Variants in SRGAP2C observed in about 807,000 individuals in gnomAD.
SRGAP2C encodes SLIT-ROBO Rho GTPase-activating protein 2C.
Under a neutral mutation model 25.1 loss-of-function variants are expected in SRGAP2C, and 15 were observed. That is an observed-to-expected ratio of 0.60 (90% CI 0.40 to 0.92). The LOEUF (loss-of-function observed/expected upper bound fraction) is 0.92, where lower values mean the gene tolerates loss of function less well. Ranked by LOEUF, SRGAP2C falls within the 40% of genes least tolerant of loss-of-function variation. The pLI is 0.00. For missense variants in SRGAP2C, 144 were observed against 264.4 expected (o/e 0.54, Z 3.16); for synonymous variants, 44 against 96.6 (o/e 0.46, Z 3.19).
intron 2 of SRGAP2C, among the ~76,000 whole-genome samples, chr1:121,206,470 A>G (rs1655111456): frequency 6.6e-6 from 1 of 152,224 alleles, no homozygotes; most frequent in African/African-American, 2.4e-5. Flanking sequence ...AACAAAGATC[A>G]GTGGGGGCAC....
intron 2 of SRGAP2C, among the ~76,000 whole-genome samples, chr1:121,189,377 G>T (rs1182304268): frequency 4.4e-4 from 12 of 27,150 alleles, no homozygotes; most frequent in African/African-American, 1.8e-3. Flanking sequence ...ATGATGTAAT[G>T]CAGTCGGCTA....
At chr1:121,312,280 T>C (rs1318040462) in intron 3 of SRGAP2C, among the ~76,000 whole-genome samples, 12 of 47,784 alleles carry the variant, frequency 2.5e-4, no homozygotes, top group African/African-American at 3.9e-4. Flanking sequence ...ATCCCCTTTA[T>C]CATTTTTTAT....
rs1208444801 is a variant in SRGAP2C, at chr1:121,346,934, C to G, written c.424-18359C>G. ...ATGCCCTCCTCAAATGCATTTGACT[C>G]CTTCTGGCCCATAATACTCACACTT... On this transcript the variant is annotated intron_variant, in intron 4 of 9. Coordinates refer to ENST00000367123, the MANE Select transcript of SRGAP2C (RefSeq NM_001329984.2). 4.6e-4 allele frequency among the ~76,000 whole-genome samples: 70 copies of G among 152,084 alleles called. 1 individual carries two copies. The highest frequency in any genetic ancestry group is 1.0e-4 in the Non-Finnish European group (7 of 68,030).
chr1:121,367,973 G>A (rs1391205570), intron 5 of SRGAP2C, among the ~76,000 whole-genome samples: 12 of 109,472 alleles, frequency 1.1e-4, no homozygotes, highest in Non-Finnish European at 2.2e-4. Context: ...CTACTGGGGA[G>A]GCTGAGGCAG....
intron 4 of SRGAP2C, among the ~76,000 whole-genome samples, chr1:121,329,677 C>G (rs1570786868): frequency 6.8e-6 from 1 of 146,082 alleles, no homozygotes; most frequent in Non-Finnish European, 1.5e-5. Flanking sequence ...ATTGGCCCCT[C>G]TATGCTATTG....
intron 3 of SRGAP2C, among the ~76,000 whole-genome samples, chr1:121,309,135 ATGT>A (rs1439136819): frequency 5.9e-5 from 6 of 102,518 alleles, no homozygotes; most frequent in Admixed American, 4.5e-4. Context: ...ATAAGAAAAG[ATGT>A]TGATACTGAT....
intron 4 of SRGAP2C, among the ~76,000 whole-genome samples, chr1:121,359,662 G>A (rs1314898766): frequency 6.6e-6 from 1 of 152,186 alleles, no homozygotes; most frequent in African/African-American, 2.4e-5. Flanking sequence ...CAGCTACATG[G>A]GAAGCTGAGG....
intron 2 of SRGAP2C, among the ~76,000 whole-genome samples, chr1:121,264,621 G>A (rs1243389247): frequency 6.7e-6 from 1 of 150,108 alleles, no homozygotes; most frequent in Non-Finnish European, 1.5e-5. Context: ...GCTGTTGGCT[G>A]GAGTACTTTT....
At position 121,371,107 on chromosome 1, in the gene SRGAP2C, A is replaced by G. The variant is rs587653449; in HGVS notation, c.487-2864A>G. 3.9e-3 allele frequency among the ~76,000 whole-genome samples: 581 copies of G among 150,336 alleles called. 8 individuals are homozygous for G. Among genetic ancestry groups the G allele is most frequent in the African/African-American group, 0.013 (537 of 40,950 alleles). ...AATTTAGACTTTTCAGTTTTTCCCCATAGTTTGCATTTGCCTATCTATATA... is the reference window on the plus strand; with the variant it reads ...AATTTAGACTTTTCAGTTTTTCCCCGTAGTTTGCATTTGCCTATCTATATA... On this transcript the variant is annotated intron_variant, in intron 5 of 9. Coordinates refer to ENST00000367123, the MANE Select transcript of SRGAP2C (RefSeq NM_001329984.2).
At chr1:121,304,693 ACCCAGACAACC>A (rs1657786114) in intron 3 of SRGAP2C, among the ~76,000 whole-genome samples, 2 of 151,728 alleles carry the variant, frequency 1.3e-5, no homozygotes, top group East Asian at 2.0e-4. Flanking sequence ...TCTTCCCATG[ACCCAGACAACC>A]CCCAGTGGCC....
At chr1:121,213,109 G>A (rs1655308470) in intron 2 of SRGAP2C, among the ~76,000 whole-genome samples, 1 of 132,154 alleles carries the variant, frequency 7.6e-6, no homozygotes, top group African/African-American at 2.7e-5. Context: ...GCAATGGCAT[G>A]ATCTCAGCTC....
chr1:121,277,303 T>A (rs1289334231), intron 2 of SRGAP2C, among the ~76,000 whole-genome samples: 98 of 152,002 alleles, frequency 6.4e-4, no homozygotes, highest in African/African-American at 2.2e-3. Flanking sequence ...AACAGGGAAC[T>A]TCATACTTCA....
At chr1:121,216,305 G>T (rs1432278543) in intron 2 of SRGAP2C, among the ~76,000 whole-genome samples, 1 of 152,050 alleles carries the variant, frequency 6.6e-6, no homozygotes, top group Admixed American at 6.6e-5. Context: ...CAGCAATGCT[G>T]TCTCTTCCAT....
At chr1:121,297,571 G>C (rs1263744810) in intron 3 of SRGAP2C, among the ~76,000 whole-genome samples, 3 of 150,390 alleles carry the variant, frequency 2.0e-5, no homozygotes, top group African/African-American at 7.3e-5. Context: ...GCTAATGTTT[G>C]TGACTTAATG....
At position 121,391,665 on chromosome 1, in the gene SRGAP2C, A is replaced by AAC. The variant is rs1660090435; in HGVS notation, c.*3811_*3812insCA. ...TTTGGAAAATTTCACTAAAAAAAAA[A>AAC]ATCCTTAACAATATAATAAGTAAAG... On this transcript the variant is annotated 3_prime_UTR_variant, in exon 10 of 10. Transcript: ENST00000367123. 1 of 151,690 alleles carries AAC rather than the reference A, an allele frequency of 6.6e-6. No individual in the cohort carries two copies. The highest frequency in any genetic ancestry group is 2.4e-5 in the African/African-American group (1 of 40,902). The allele number at this position is 151,690 out of a possible 1,614,324, so 9.4% of individuals were successfully genotyped here. A position where few individuals can be genotyped will look rare whatever the true frequency, so the allele number is the denominator to read the frequency against.
At chr1:121,328,856 T>C (rs1171578028) in intron 4 of SRGAP2C, among the ~76,000 whole-genome samples, 4 of 144,098 alleles carry the variant, frequency 2.8e-5, no homozygotes, top group Non-Finnish European at 6.0e-5. Context: ...CACTGTACTC[T>C]AGCTTGAGTA....
rs1176937964 is a variant in SRGAP2C at position 121,351,551 on chromosome 1, A to T, written c.424-13742A>T. On this transcript the variant is annotated intron_variant, in intron 4 of 9. Transcript: ENST00000367123. ...CGTGAACCCAGGAGGCGGAGCTTGC[A>T]GTGAGCAGAGATCGCGCCACTGCAC... Among the ~76,000 whole-genome samples the T allele has an allele frequency of 2.2e-4, 31 of 142,568 alleles. 1 individual carries two copies. In the South Asian group the frequency reaches 7.1e-3, roughly 33 times the overall value. 93.5% of individuals were successfully genotyped at this position (142,568 alleles called of 152,430 possible). A position where few individuals can be genotyped will look rare whatever the true frequency, so the allele number is the denominator to read the frequency against.
chr1:121,355,292 G>A (rs1659037789), intron 4 of SRGAP2C, among the ~76,000 whole-genome samples: 1 of 145,802 alleles, frequency 6.9e-6, no homozygotes, highest in Non-Finnish European at 1.5e-5. Flanking sequence ...ACAACTGCGG[G>A]TAGATACACA....
At chr1:121,324,429 C>T (rs1366469622) in intron 3 of SRGAP2C, 49 bp from the exon 4 acceptor site, 3 of 1,585,802 alleles carry the variant, frequency 1.9e-6, no homozygotes, top group Non-Finnish European at 2.6e-6. Flanking sequence ...TAGATGTTGC[C>T]CTGGCTGTGT....
Sources: allele counts gnomAD v4.1 joint callset (sites outside exome capture counted in the v4.1 genomes callset), GRCh38; gene constraint gnomAD v4.1.1; transcripts MANE v1.5; gene names NCBI Gene and HGNC (gene_info 2026-07-23, HGNC 2026-07-21).